The following XPO5 variants were observed in gnomAD, a reference collection of about 807,000 sequenced individuals.
XPO5 encodes exportin-5.
In XPO5, 46 loss-of-function variants were observed where a neutral mutation model predicts 160.6. The observed-to-expected ratio is 0.29, with a 90% CI of 0.23 to 0.37. The LOEUF is 0.37. Among genes scored for constraint, XPO5 ranks in the 10% least tolerant of loss-of-function variants. The probability of loss-of-function intolerance (pLI) is 1.00; values close to 1 mark genes in which losing one functional copy is unlikely to be tolerated. For synonymous variants in XPO5, 537 were observed against 519.3 expected, an observed-to-expected ratio of 1.03 and a Z score of -0.46; for missense variants, 1,090 against 1,463.9, an observed-to-expected ratio of 0.74 and a Z score of 4.17.
In XPO5 at chr6:43,570,666, C is replaced by A. The variant is rs896576358; in HGVS notation, c.457G>T (p.Val153Leu). 4.3e-6 allele frequency: 7 copies of A among 1,610,786 alleles called. No individual in the cohort carries two copies. Among genetic ancestry groups the A allele is most frequent in the Middle Eastern group, 1.7e-4 (1 of 6,048 alleles). The part of the protein sequence containing the change: ...SKQGETQTEL[V>L]MFILLRLAED... ...GCCAGTCGCAAAAGGATAAACATCA[C>A]CAATTCTGTCTGTGTTTCCTACACC... Residue 153 changes from valine (V) to leucine (L), a missense_variant, in exon 5 of 32, where the codon GTG becomes TTG. Physicochemically the swap from Val to Leu is conservative, Grantham distance 32. This residue lies in a region of XPO5 where 170 missense variants were observed against 227.0 expected (regional missense o/e 0.75). Coordinates refer to ENST00000265351, the MANE Select transcript of XPO5 (RefSeq NM_020750.3).
chr6:43,553,526 TACACACAC>T (rs111634867), intron 13 of XPO5, 23 bp from the exon 14 acceptor site: 32 of 1,448,022 alleles, frequency 2.2e-5, no homozygotes, highest in Admixed American at 1.5e-4. Flanking sequence ...CACACACACA[TACACACAC>T]ACACACACAC....
rs1476953327 is a variant in XPO5, at chr6:43,546,557, T to C, written c.2342+14A>G. ...AGTAGAAAACAACAGAGAAAAGCCATTATTCTGACTCACCTTATAAGCGCA... is the reference window on the plus strand; with the variant it reads ...AGTAGAAAACAACAGAGAAAAGCCACTATTCTGACTCACCTTATAAGCGCA... On this transcript the variant is annotated intron_variant, in intron 20 of 31. Transcript: ENST00000265351. 3 of 1,594,430 alleles carry C rather than the reference T, an allele frequency of 1.9e-6. No homozygotes were observed. The highest frequency in any genetic ancestry group is 2.6e-6 in the Non-Finnish European group (3 of 1,172,924).
intron 8 of XPO5, among the ~76,000 whole-genome samples, chr6:43,563,336 T>C (rs751197316): frequency 2.2e-4 from 34 of 152,172 alleles, no homozygotes; most frequent in Non-Finnish European, 1.3e-4. Flanking sequence ...GGTCTTGCCA[T>C]GTTGCCCAGA....
At chr6:43,526,401 T>C in intron 27 of XPO5, 1 of 465,850 alleles carries the variant, frequency 2.1e-6, no homozygotes. Context: ...TTTTGATAGG[T>C]TGGTCATGGA....
intron 14 of XPO5, among the ~76,000 whole-genome samples, chr6:43,552,169 T>C (rs1281447893): frequency 6.6e-6 from 1 of 151,952 alleles, no homozygotes; most frequent in East Asian, 1.9e-4. Flanking sequence ...GTGATTCTCC[T>C]GCCTCAGCCT....
At chr6:43,567,069 AC>A (rs1762732707) in intron 7 of XPO5, 99 bp downstream of exon 7, 2 of 1,349,042 alleles carry the variant, frequency 1.5e-6, no homozygotes, top group African/African-American at 2.9e-5. Context: ...AAGGAAAAAA[AC>A]CCAAACCTTT....
intron 3 of XPO5, 87 bp downstream of exon 3, chr6:43,572,419 T>C: frequency 3.8e-6 from 5 of 1,329,464 alleles, no homozygotes; most frequent in Non-Finnish European, 5.4e-6. Flanking sequence ...TTAGAAGCAG[T>C]GAATTTTTAC....
At chr6:43,541,208 A>G (rs1392585637) in intron 20 of XPO5, among the ~76,000 whole-genome samples, 4 of 152,224 alleles carry the variant, frequency 2.6e-5, no homozygotes, top group Non-Finnish European at 5.9e-5. Context: ...TAGGGTGACT[A>G]TAGTCAATAA....
intron 6 of XPO5, among the ~76,000 whole-genome samples, 171 bp from the exon 7 acceptor site, chr6:43,567,525 C>T (rs1199054069): frequency 6.6e-6 from 1 of 152,148 alleles, no homozygotes; most frequent in Non-Finnish European, 1.5e-5. Context: ...ATGACATTCT[C>T]AACATCCAAC....
chr6:43,572,178 GA>G (rs1381703775), intron 3 of XPO5, among the ~76,000 whole-genome samples: 1 of 152,190 alleles, frequency 6.6e-6, no homozygotes, highest in Non-Finnish European at 1.5e-5. Context: ...CCTGGGCTCA[GA>G]AAATCCTCCC....
At chr6:43,532,709 C>T (rs1204300969) in intron 21 of XPO5, among the ~76,000 whole-genome samples, 1 of 152,228 alleles carries the variant, frequency 6.6e-6, no homozygotes, top group Non-Finnish European at 1.5e-5. Flanking sequence ...TCTGACTTCC[C>T]TCTGAGACTG....
At chr6:43,574,694 C>T (rs994168579) in intron 1 of XPO5, among the ~76,000 whole-genome samples, 4 of 151,984 alleles carry the variant, frequency 2.6e-5, no homozygotes, top group Non-Finnish European at 4.4e-5. Context: ...TAAAAACCTT[C>T]GAGGCAGGGA....
intron 5 of XPO5, among the ~76,000 whole-genome samples, chr6:43,570,030 T>TTTTA (rs1438185287): frequency 7.7e-6 from 1 of 129,164 alleles, no homozygotes; most frequent in African/African-American, 2.9e-5. Context: ...TTTTTTTTTT[T>TTTTA]AAAAAAGGCC....
At chr6:43,569,479 A>G (rs368300136) in intron 5 of XPO5, among the ~76,000 whole-genome samples, 3 of 152,292 alleles carry the variant, frequency 2.0e-5, no homozygotes. Flanking sequence ...CACGCCTACC[A>G]TCCCAGCACT....
chr6:43,527,313 C>T, intron 26 of XPO5: 1 of 224,694 alleles, frequency 4.5e-6, no homozygotes. Context: ...CACTCTTTTG[C>T]CAGGCTGGAG....
chr6:43,525,555 G>C, intron 28 of XPO5: 1 of 525,158 alleles, frequency 1.9e-6, no homozygotes, highest in East Asian at 3.2e-5. Flanking sequence ...TGTATGTGTA[G>C]GATGGAGACA....
intron 20 of XPO5, among the ~76,000 whole-genome samples, chr6:43,538,063 T>C (rs7772491): frequency 0.2 from 22,254 of 111,700 alleles, 4,380 homozygotes; most frequent in African/African-American, 0.53. Flanking sequence ...CCAGCATGGG[T>C]GACAGAACAA....
At chr6:43,570,762 G>T in intron 4 of XPO5, 78 bp from the exon 5 acceptor site, 2 of 1,506,248 alleles carry the variant, frequency 1.3e-6, no homozygotes, top group Non-Finnish European at 1.8e-6. Flanking sequence ...ATTTTCTGTT[G>T]CCAAAAAAAA....
chr6:43,524,352 CAAAAA>C (rs368583529), intron 31 of XPO5, 114 bp downstream of exon 31: 107 of 1,069,274 alleles, frequency 1.0e-4, no homozygotes, highest in South Asian at 1.5e-4. Flanking sequence ...AACCCCATCT[CAAAAA>C]AAAAAAAAAA....
Sources: gnomAD v4.1 joint callset for allele counts (sites outside exome capture counted in the v4.1 genomes callset) on GRCh38, gnomAD v4.1.1 for gene constraint, gnomAD v4.1.1 regional missense constraint, MANE v1.5 for transcripts, NCBI Gene and HGNC (gene_info 2026-07-23, HGNC 2026-07-21) for gene names.